SH3GL3: variants seen among roughly 807,000 people sequenced by gnomAD.
SH3GL3 encodes SH3 domain containing GRB2 like 3, endophilin A3, also known as endophilin-A3.
In SH3GL3, 33 loss-of-function variants were observed where a neutral mutation model predicts 47.7. The ratio of observed to expected loss-of-function variants is 0.69; its 90% CI spans 0.52 to 0.92. SH3GL3 has a LOEUF of 0.92. Among genes scored for constraint, SH3GL3 ranks in the 40% least tolerant of loss-of-function variants. The pLI is 0.00. For synonymous variants in SH3GL3, 155 were observed against 148.8 expected, an observed-to-expected ratio of 1.04 and a Z score of -0.30; for missense variants, 363 against 417.8, an observed-to-expected ratio of 0.87 and a Z score of 1.14.
chr15:83,604,682 T>A (rs1370839374), intron 8 of SH3GL3, among the ~76,000 whole-genome samples: 1 of 152,224 alleles, frequency 6.6e-6, no homozygotes, highest in Non-Finnish European at 1.5e-5. Context: ...TTAGATATTG[T>A]ATAAATACTT....
At chr15:83,502,438 T>C (rs147967874) in intron 1 of SH3GL3, among the ~76,000 whole-genome samples, 2 of 152,378 alleles carry the variant, frequency 1.3e-5, no homozygotes, top group East Asian at 1.9e-4. Context: ...GGATTCAGCA[T>C]GTGTCTCCCA....
In SH3GL3 at chr15:83,568,565, C is replaced by T. The variant is rs767630343; in HGVS notation, c.224C>T (p.Ser75Leu). Residue 75 changes from serine to leucine, a missense_variant, in exon 4 of 9, where the codon TCG (serine) becomes TTG (leucine). Transcript: ENST00000427482. ...AAGCTAGGAATGCTGAACACTGTGT[C>T]GAAGATCCGAGGGCAGGTGAAGACC... is the stretch of plus-strand genomic sequence containing the variant. Reference protein sequence around the residue: ...RAKLGMLNTVSKIRGQVKTTG... With the variant: ...RAKLGMLNTVLKIRGQVKTTG... 3.8e-5 allele frequency: 61 copies of T among 1,613,018 alleles called. No individual in the cohort carries two copies. The highest frequency in any genetic ancestry group is 2.9e-5 in the Non-Finnish European group (34 of 1,179,174).
At position 83,587,083 on chromosome 15, in the gene SH3GL3, T is replaced by C. The variant is rs2059975359; in HGVS notation, c.725T>C (p.Met242Thr). Residue 242 changes from methionine to threonine, a missense_variant, in exon 7 of 9, where the codon ATG (methionine) becomes ACG (threonine). Transcript: ENST00000427482. Reference sequence around the variant, plus strand: ...CAGGAGCTGCAGAGCAAGCTACAGATGCGGTAAGCACCTCCACGTTTCTTA... The same window carrying C: ...CAGGAGCTGCAGAGCAAGCTACAGACGCGGTAAGCACCTCCACGTTTCTTA... ...ILQELQSKLQ[M>T]RISAASSVPR... 5 of 1,575,604 alleles carry C rather than the reference T, an allele frequency of 3.2e-6. No homozygotes were observed. The South Asian group carries it at 3.4e-5, about 11-fold the overall frequency.
At chr15:83,548,863 A>G (rs1567326383) in intron 1 of SH3GL3, among the ~76,000 whole-genome samples, 1 of 151,868 alleles carries the variant, frequency 6.6e-6, no homozygotes, top group East Asian at 1.9e-4. Flanking sequence ...CTCTTCAAAT[A>G]TTGTTTCTTT....
At position 83,576,658 on chromosome 15, in the gene SH3GL3, G is replaced by A. The variant is rs149232982; in HGVS notation, c.541G>A (p.Glu181Lys). The A allele has an allele frequency of 8.1e-6, 13 of 1,613,614 alleles. No individual in the cohort carries two copies. The Admixed American group carries it at 1.2e-4, about 14-fold the overall frequency. Residue 181 changes from glutamate (E) to lysine (K), a missense_variant, in exon 6 of 9, where the codon GAA becomes AAA. Physicochemically the swap from Glu to Lys is moderately conservative, Grantham distance 56. Coordinates refer to ENST00000427482, the MANE Select transcript of SH3GL3 (RefSeq NM_003027.5). The stretch of plus-strand genomic sequence containing the variant: ...GAAACGAGTAGGTAAGATACCAGAC[G>A]AAGAAGTCAGACAAGCGGTAGAAAA... ...KKKRVGKIPD[E>K]EVRQAVEKFE...
intron 1 of SH3GL3, among the ~76,000 whole-genome samples, chr15:83,459,927 C>T (rs1596013929): frequency 6.6e-6 from 1 of 151,876 alleles, no homozygotes; most frequent in Middle Eastern, 3.4e-3. Flanking sequence ...TCATCAGTTC[C>T]TGTGGCTGTT....
chr15:83,542,962 T>A (rs1221230145), intron 1 of SH3GL3, among the ~76,000 whole-genome samples: 1 of 150,830 alleles, frequency 6.6e-6, no homozygotes, highest in Non-Finnish European at 1.5e-5. Context: ...TTTTTCTTTA[T>A]CATCTGATTA....
In SH3GL3 at chr15:83,616,251, C is replaced by CTTTTTTTTT. The variant is rs10661412; in HGVS notation, c.839-1820_839-1812dup. Among the ~76,000 whole-genome samples the CTTTTTTTTT allele has an allele frequency of 5.3e-5, 6 of 114,190 alleles. 1 individual carries two copies. Among genetic ancestry groups the CTTTTTTTTT allele is most frequent in the African/African-American group, 1.4e-4 (4 of 29,032 alleles). The allele number at this position is 114,190 out of a possible 152,430, so 74.9% of individuals were successfully genotyped here. A position where few individuals can be genotyped will look rare whatever the true frequency, so the allele number is the denominator to read the frequency against. On this transcript the variant is annotated intron_variant, in intron 8 of 8. Coordinates refer to ENST00000427482, the MANE Select transcript of SH3GL3 (RefSeq NM_003027.5). ...AAAGTAATGGTAAAAATTGTGATTGCTTTTTTTTTTTTTTTTTTTGAGATG... is the reference window on the plus strand; with the variant it reads ...AAAGTAATGGTAAAAATTGTGATTGCTTTTTTTTTTTTTTTTTTTTTTTTTTTTGAGATG...
At chr15:83,632,785 G>C in the SH3GL3 span, among the ~76,000 whole-genome samples, 9 of 152,170 alleles carry the variant, frequency 5.9e-5, no homozygotes, top group African/African-American at 2.2e-4. Context: ...TACAATTCAA[G>C]ATGAGATTTG....
downstream of SH3GL3, among the ~76,000 whole-genome samples, chr15:83,621,382 T>C (rs1596365300): frequency 6.6e-6 from 1 of 152,160 alleles, no homozygotes; most frequent in East Asian, 1.9e-4. Context: ...GGTTACTAAT[T>C]GGCCTAATTT....
At chr15:83,605,142 GA>G (rs1194770163) in intron 8 of SH3GL3, among the ~76,000 whole-genome samples, 2 of 152,218 alleles carry the variant, frequency 1.3e-5, no homozygotes, top group African/African-American at 2.4e-5. Flanking sequence ...TGGCTTTTAA[GA>G]AGGCTCAGTG....
intron 1 of SH3GL3, among the ~76,000 whole-genome samples, chr15:83,486,148 A>C (rs75521634): frequency 0.013 from 1,977 of 152,286 alleles, 24 homozygotes; most frequent in Non-Finnish European, 0.021. Flanking sequence ...ATATTCTCCA[A>C]ATGTCTTTTA....
chr15:83,620,220 T>G (rs1376080098), downstream of SH3GL3, among the ~76,000 whole-genome samples: 3 of 152,216 alleles, frequency 2.0e-5, no homozygotes, highest in Non-Finnish European at 4.4e-5. Context: ...TCCAAGAGGG[T>G]TGAAATCAAC....
intron 1 of SH3GL3, among the ~76,000 whole-genome samples, chr15:83,474,024 T>C (rs2040978192): frequency 6.6e-6 from 1 of 152,024 alleles, no homozygotes. Flanking sequence ...TTCAGAGTCT[T>C]CTTATGTTTG....
chr15:83,472,325 A>G (rs2040868202), intron 1 of SH3GL3, among the ~76,000 whole-genome samples: 3 of 152,208 alleles, frequency 2.0e-5, no homozygotes, highest in Middle Eastern at 3.4e-3. Context: ...TCTTATTGGA[A>G]CGCTGATGAC....
At chr15:83,483,342 GGTATGATA>G (rs1005384531) in intron 1 of SH3GL3, among the ~76,000 whole-genome samples, 5 of 152,180 alleles carry the variant, frequency 3.3e-5, no homozygotes, top group African/African-American at 9.7e-5. Flanking sequence ...TGAGCTGCCT[GGTATGATA>G]GCCACTCACC....
intron 1 of SH3GL3, among the ~76,000 whole-genome samples, chr15:83,498,963 C>T (rs574794196): frequency 4.6e-5 from 7 of 152,172 alleles, no homozygotes; most frequent in Admixed American, 4.6e-4. Flanking sequence ...AAATAAGCTT[C>T]TCCTCCACCT....
chr15:83,597,295 C>T (rs1357274479), intron 8 of SH3GL3, among the ~76,000 whole-genome samples: 1 of 152,162 alleles, frequency 6.6e-6, no homozygotes, highest in Admixed American at 6.5e-5. Flanking sequence ...TTGGATTCTC[C>T]TGCTTCCGCC....
At chr15:83,515,917 G>A (rs1019940807) in intron 1 of SH3GL3, among the ~76,000 whole-genome samples, 3 of 152,134 alleles carry the variant, frequency 2.0e-5, no homozygotes, top group African/African-American at 7.2e-5. Flanking sequence ...TAAAAATATC[G>A]TTATGTTGAA....
Sources: gnomAD v4.1 joint callset for allele counts (sites outside exome capture counted in the v4.1 genomes callset) on GRCh38, gnomAD v4.1.1 for gene constraint, MANE v1.5 for transcripts, NCBI Gene and HGNC (gene_info 2026-07-23, HGNC 2026-07-21) for gene names.